Variants in UBE3D observed in about 807,000 individuals in gnomAD.
The protein encoded by UBE3D is E3 ubiquitin-protein ligase E3D.
UBE3D carries 48 observed loss-of-function variants against 49.6 expected under a neutral mutation model. The ratio of observed to expected loss-of-function variants is 0.97; its 90% CI spans 0.77 to 1.23. The LOEUF is 1.23. UBE3D is among the 50% of genes most tolerant of loss of function. The pLI is 0.00. For missense variants in UBE3D, 452 were observed against 468.4 expected, an observed-to-expected ratio of 0.96 and a Z score of 0.32; for synonymous variants, 189 against 174.2, an observed-to-expected ratio of 1.08 and a Z score of -0.67.
intron 8 of UBE3D, among the ~76,000 whole-genome samples, chr6:82,969,226 T>TG: frequency 9.7e-4 from 2 of 2,068 alleles, no homozygotes; most frequent in Non-Finnish European, 1.9e-3. Context: ...AGGGCAGGGG[T>TG]GGGGGTGGGG....
At chr6:82,944,152 G>A (rs1775230066) in intron 9 of UBE3D, among the ~76,000 whole-genome samples, 1 of 151,376 alleles carries the variant, frequency 6.6e-6, no homozygotes, top group Admixed American at 6.6e-5. Flanking sequence ...GGGAGTGCTT[G>A]TGCCACCCCT....
chr6:83,024,780 G>C (rs1465126011), intron 5 of UBE3D, among the ~76,000 whole-genome samples: 1 of 152,132 alleles, frequency 6.6e-6, no homozygotes, highest in Non-Finnish European at 1.5e-5. Flanking sequence ...TGCGCATGGG[G>C]AACTGTTACC....
chr6:83,063,786 C>T (rs547556528), intron 1 of UBE3D, among the ~76,000 whole-genome samples: 2 of 152,202 alleles, frequency 1.3e-5, no homozygotes, highest in South Asian at 2.1e-4. Flanking sequence ...TCTGGTTGAA[C>T]GTGCAAACTG....
chr6:82,901,136 C>T (rs771188222), intron 9 of UBE3D, among the ~76,000 whole-genome samples: 5 of 151,996 alleles, frequency 3.3e-5, no homozygotes, highest in Non-Finnish European at 7.4e-5. Context: ...TGGACAATTC[C>T]GTATAGCTGT....
At chr6:82,884,305 A>G in the UBE3D span, among the ~76,000 whole-genome samples, 3 of 152,146 alleles carry the variant, frequency 2.0e-5, no homozygotes, top group African/African-American at 7.2e-5. Context: ...GCTTCCAGGT[A>G]GTAGAGGCAC....
intron 9 of UBE3D, among the ~76,000 whole-genome samples, chr6:82,932,447 C>T (rs900273152): frequency 6.6e-6 from 1 of 152,088 alleles, no homozygotes; most frequent in African/African-American, 2.4e-5. Flanking sequence ...AAATCCCTTC[C>T]TTATACTCCA....
At chr6:82,919,081 T>C (rs1297930162) in intron 9 of UBE3D, among the ~76,000 whole-genome samples, 1 of 152,020 alleles carries the variant, frequency 6.6e-6, no homozygotes, top group Non-Finnish European at 1.5e-5. Flanking sequence ...TATGAGAGTG[T>C]CCACTTTCTT....
At chr6:82,966,574 C>T (rs1380031213) in intron 8 of UBE3D, among the ~76,000 whole-genome samples, 6 of 69,254 alleles carry the variant, frequency 8.7e-5, no homozygotes, top group Admixed American at 8.1e-4. Flanking sequence ...GGCGTGAACC[C>T]GGGAGGCGGA....
At chr6:82,926,136 G>A (rs1342248837) in intron 9 of UBE3D, among the ~76,000 whole-genome samples, 1 of 152,132 alleles carries the variant, frequency 6.6e-6, no homozygotes, top group Non-Finnish European at 1.5e-5. Flanking sequence ...TCACCTGACT[G>A]TGACTTCTAA....
At chr6:83,030,923 G>T (rs369492529) in intron 5 of UBE3D, among the ~76,000 whole-genome samples, 9 of 152,338 alleles carry the variant, frequency 5.9e-5, no homozygotes, top group African/African-American at 2.2e-4. Context: ...CTTTAGGAAA[G>T]AGACTGGCAG....
chr6:83,010,961 T>G (rs1486049778), intron 8 of UBE3D, among the ~76,000 whole-genome samples: 1 of 152,130 alleles, frequency 6.6e-6, no homozygotes, highest in Non-Finnish European at 1.5e-5. Context: ...TTATACTTAG[T>G]ATTAACCATC....
chr6:82,915,562 G>C (rs1044022631), intron 9 of UBE3D, among the ~76,000 whole-genome samples: 1 of 152,150 alleles, frequency 6.6e-6, no homozygotes, highest in African/African-American at 2.4e-5. Context: ...GCAGAACCCT[G>C]GGGTGGGAGG....
intron 4 of UBE3D, 125 bp from the exon 5 acceptor site, chr6:83,038,610 G>A: frequency 2.5e-6 from 2 of 791,430 alleles, no homozygotes; most frequent in South Asian, 3.5e-5. Flanking sequence ...ACTAAATACT[G>A]GGAATACATT....
chr6:82,951,703 C>A (rs1023758218), intron 9 of UBE3D, among the ~76,000 whole-genome samples: 1 of 152,142 alleles, frequency 6.6e-6, no homozygotes, highest in African/African-American at 2.4e-5. Flanking sequence ...AAGCAATGCT[C>A]AGCCAGAGGA....
chr6:83,044,902 T>C (rs1782926243), intron 3 of UBE3D, among the ~76,000 whole-genome samples: 1 of 152,216 alleles, frequency 6.6e-6, no homozygotes, highest in African/African-American at 2.4e-5. Flanking sequence ...CATGACAGTG[T>C]ATTTCTTTGC....
At chr6:82,934,378 T>A (rs1340309584) in intron 9 of UBE3D, among the ~76,000 whole-genome samples, 2 of 152,232 alleles carry the variant, frequency 1.3e-5, no homozygotes, top group African/African-American at 4.8e-5. Context: ...TTTTACTTTG[T>A]TCTGTTATTT....
intron 8 of UBE3D, among the ~76,000 whole-genome samples, chr6:82,998,089 G>A (rs1426483213): frequency 6.6e-6 from 1 of 152,204 alleles, no homozygotes; most frequent in African/African-American, 2.4e-5. Context: ...TATTGCTAGA[G>A]GCCTTTGGCC....
intron 9 of UBE3D, among the ~76,000 whole-genome samples, chr6:82,944,973 G>A (rs1312612403): frequency 6.6e-6 from 1 of 152,226 alleles, no homozygotes; most frequent in Non-Finnish European, 1.5e-5. Context: ...AGACTGCTAA[G>A]GTTTTTAACT....
intron 8 of UBE3D, among the ~76,000 whole-genome samples, chr6:83,012,816 A>G (rs1269409207): frequency 2.0e-5 from 3 of 152,324 alleles, no homozygotes; most frequent in Admixed American, 1.3e-4. Context: ...TACTGCTCCA[A>G]GTTCTGCCCA....
Sources: gnomAD v4.1 joint callset for allele counts (sites outside exome capture counted in the v4.1 genomes callset) on GRCh38, gnomAD v4.1.1 for gene constraint, MANE v1.5 for transcripts, NCBI Gene and HGNC (gene_info 2026-07-23, HGNC 2026-07-21) for gene names.